Variants in INF2 observed in about 807,000 individuals in gnomAD.
The protein encoded by INF2 is inverted formin-2.
INF2 carries 43 observed loss-of-function variants against 123.5 expected under a neutral mutation model. The ratio of observed to expected loss-of-function variants is 0.35; its 90% CI spans 0.27 to 0.45. The LOEUF is 0.45. INF2 is among the 20% of genes least tolerant of loss of function. The pLI is 1.00. For missense variants in INF2, 1,453 were observed against 1,682.7 expected (o/e 0.86, Z 2.39); for synonymous variants, 851 against 745.0 (o/e 1.14, Z -2.32).
rs747591106 is a variant in INF2 at position 104,715,963 on chromosome 14, A to G, written c.*1+623A>G. 38 of 455,540 alleles carry G rather than the reference A, an allele frequency of 8.3e-5. 1 individual carries two copies. Among genetic ancestry groups the G allele is most frequent in the South Asian group, 5.9e-4 (38 of 64,526 alleles). The allele number at this position is 455,540 out of a possible 1,614,324, so 28.2% of individuals were successfully genotyped here. On this transcript the variant is annotated intron_variant, in intron 22 of 22. Transcript: ENST00000392634. ...GGGTGGGTCTATGGAGAAGCAGATTACCCCCCGCACACCGAGTCTTCTGGG... is the reference window on the plus strand; with the variant it reads ...GGGTGGGTCTATGGAGAAGCAGATTGCCCCCCGCACACCGAGTCTTCTGGG...
rs1166494154 is a variant in INF2, at chr14:104,714,629, T to C, written c.3467T>C (p.Val1156Ala). The change falls in exon 21 of 23, where the codon GTC becomes GCC. Residue 1156 changes from valine (V) to alanine (A), a missense_variant. By Grantham distance (64) the Val-to-Ala change is moderately conservative. Around this residue, in one of 8 missense-constraint regions of INF2, gnomAD observed 344 missense variants for 333.1 expected, o/e 1.03. Coordinates refer to ENST00000392634, the MANE Select transcript of INF2 (RefSeq NM_022489.4). ...DSTSEGLEDA[V>A]HSRGARPPAA... is the part of the protein sequence containing the mutation. ...ACAAGTGAGGGGCTGGAGGACGCTG[T>C]CCACAGCCGTGGTGCCAGACCCCCT... 1 of 1,612,602 alleles carries C rather than the reference T, an allele frequency of 6.2e-7. No individual in the cohort carries two copies. Among genetic ancestry groups the C allele is most frequent in the Non-Finnish European group, 8.5e-7 (1 of 1,179,848 alleles).
At chr14:104,687,497 G>C (rs977208507), upstream of INF2, among the ~76,000 whole-genome samples, 92 of 142,758 alleles carry the variant, frequency 6.4e-4, no homozygotes, top group African/African-American at 2.1e-3. This position sits in a 1 kb window ranked among gnomAD's most constrained non-coding sequence, Gnocchi z 5.6. Flanking sequence ...CACACACACA[G>C]ACACACACTC....
At chr14:104,703,047 C>T in intron 2 of INF2, 58 bp from the exon 3 acceptor site, 3 of 1,405,704 alleles carry the variant, frequency 2.1e-6, no homozygotes, top group South Asian at 2.4e-5. Flanking sequence ...AGCCCAGCTG[C>T]ACAGGCATGG....
chr14:104,683,624 A>C (rs72713893), intron 1 of INF2, among the ~76,000 whole-genome samples: 2,448 of 120,488 alleles, frequency 0.02, 30 homozygotes, highest in South Asian at 0.069. Flanking sequence ...CCACACACAC[A>C]CAGACACACA....
intron 8 of INF2, 162 bp from the exon 9 acceptor site, chr14:104,708,274 G>A: frequency 1.0e-6 from 1 of 953,122 alleles, no homozygotes; most frequent in South Asian, 1.7e-5. Flanking sequence ...TGCTACAGGT[G>A]CTCAGGTAGG....
intron 6 of INF2, 99 bp from the exon 7 acceptor site, chr14:104,706,810 AG>A: frequency 4.4e-6 from 6 of 1,353,188 alleles, no homozygotes; most frequent in Non-Finnish European, 5.1e-6. Flanking sequence ...GTGGGAATAG[AG>A]GGGGTGATGG....
In INF2 at chr14:104,706,099, G is replaced by A. The variant is rs1566780249; in HGVS notation, c.766G>A (p.Glu256Lys). 3.1e-6 allele frequency: 5 copies of A among 1,612,502 alleles called. No homozygotes were observed. The highest frequency in any genetic ancestry group is 4.5e-5 in the East Asian group (2 of 44,884). Residue 256 changes from glutamate (E) to lysine (K), a missense_variant, in exon 6 of 23, where the codon GAG (glutamate) becomes AAG (lysine). By Grantham distance (56) the Glu-to-Lys change is moderately conservative (BLOSUM62 1). Transcript: ENST00000392634. ...EAFEEAKAEDEEELLRVSGGV... is the reference protein window; with the variant it reads ...EAFEEAKAEDKEELLRVSGGV... The stretch of plus-strand genomic sequence containing the variant: ...TTTCGAGGAGGCTAAGGCCGAGGAC[G>A]AGGAGGAGCTGCTGCGAGTCTCTGG...
At chr14:104,709,788 A>C in intron 12 of INF2, 83 bp downstream of exon 12, 1 of 1,253,154 alleles carries the variant, frequency 8.0e-7, no homozygotes, top group Admixed American at 1.7e-5. Flanking sequence ...CCAGCCAGGG[A>C]GGAGAAGAGG....
upstream of INF2, among the ~76,000 whole-genome samples, chr14:104,687,915 C>T (rs774169141): frequency 1.0e-3 from 154 of 152,362 alleles, no homozygotes; most frequent in Middle Eastern, 3.4e-3. The surrounding 1 kb of genome is among the most constrained non-coding windows in gnomAD (Gnocchi z 5.6). Flanking sequence ...TGCCCAGCAC[C>T]GCTGCCAGGC....
chr14:104,693,401 A>C (rs548650880), intron 1 of INF2, among the ~76,000 whole-genome samples: 1 of 152,182 alleles, frequency 6.6e-6, no homozygotes, highest in Non-Finnish European at 1.5e-5. Context: ...CAGGAGCCAC[A>C]CTGGGGGCGG....
At chr14:104,704,300 A>G in intron 5 of INF2, 1 of 685,894 alleles carries the variant, frequency 1.5e-6, no homozygotes, top group African/African-American at 1.8e-5. Context: ...AGGGTGGTTC[A>G]CGTGGACGCA....
Position 104,721,969 on chromosome 14 carries a change from G to A in INF2, c.*3176G>A, listed in dbSNP as rs1182579341. ...CCACTGTGTGCGATGGTCCCACTGGGAGGTGTGGCCCCCAAAGAGTGGAAC... is the reference window on the plus strand; with the variant it reads ...CCACTGTGTGCGATGGTCCCACTGGAAGGTGTGGCCCCCAAAGAGTGGAAC... On this transcript the variant is annotated 3_prime_UTR_variant, in exon 23 of 23. Coordinates refer to ENST00000392634, the MANE Select transcript of INF2 (RefSeq NM_022489.4). The A allele has an allele frequency of 6.6e-6, 1 of 152,334 alleles. No homozygotes were observed. The highest frequency in any genetic ancestry group is 1.5e-5 in the Non-Finnish European group (1 of 68,092). 9.4% of individuals were successfully genotyped at this position (152,334 alleles called of 1,614,324 possible).
rs752072415 is a variant in INF2 at position 104,718,780 on chromosome 14, TTC to T, written c.*2-7_*2-6del. 4.3e-5 allele frequency: 69 copies of T among 1,612,850 alleles called. No individual in the cohort carries two copies. Among genetic ancestry groups the T allele is most frequent in the Admixed American group, 8.3e-5 (5 of 59,926 alleles). Reference sequence around the variant, plus strand: ...AAACTGCTCCTAATAATGTCATTTTTTCTCTCTCTTACAGGCCTCAGGCCCAG... The same window carrying T: ...AAACTGCTCCTAATAATGTCATTTTTTCTCTCTTACAGGCCTCAGGCCCAG... On this transcript the variant is annotated splice_polypyrimidine_tract_variant and intron_variant, in intron 22 of 22. Transcript: ENST00000392634.
At chr14:104,713,041 G>A (rs778879381) in intron 18 of INF2, 49 bp downstream of exon 18, 32 of 1,609,900 alleles carry the variant, frequency 2.0e-5, no homozygotes, top group East Asian at 6.7e-5. Context: ...GTGGGGTCCC[G>A]AGGCCCCTGG....
rs1161559610 is a variant in INF2, at chr14:104,684,293, G to A, written c.-104+2711G>A. 5.3e-6 allele frequency: 2 copies of A among 378,684 alleles called. No homozygotes were observed. The highest frequency in any genetic ancestry group is 2.0e-5 in the South Asian group (1 of 51,146). The allele number at this position is 378,684 out of a possible 1,614,324, so 23.5% of individuals were successfully genotyped here. On this transcript the variant is annotated intron_variant, in intron 1 of 2. Transcript: ENST00000674723. The surrounding 1 kb of genome is among the most constrained non-coding windows in gnomAD (Gnocchi z 5.0). ...GGGAGGTGGACTGCGTCTCCCGAGG[G>A]CCAGCACTGGCTTAGCCTGCTCAGT...
intron 13 of INF2, among the ~76,000 whole-genome samples, 189 bp downstream of exon 13, chr14:104,710,377 G>A (rs572721892): frequency 3.3e-5 from 5 of 152,092 alleles, no homozygotes; most frequent in African/African-American, 4.8e-5. Flanking sequence ...CCTACTGGAC[G>A]CACAGACACA....
At chr14:104,683,251 C>A (rs924848911) in intron 1 of INF2, among the ~76,000 whole-genome samples, 10 of 152,072 alleles carry the variant, frequency 6.6e-5, no homozygotes, top group Non-Finnish European at 1.3e-4. Context: ...TGTAGAGTGA[C>A]CCCTCCGTGG....
At chr14:104,683,296 A>G (rs1487337649) in intron 1 of INF2, among the ~76,000 whole-genome samples, 2 of 152,088 alleles carry the variant, frequency 1.3e-5, no homozygotes, top group East Asian at 3.8e-4. Flanking sequence ...AATCCCAAGC[A>G]TGCATCCTCC....
chr14:104,681,380 C>T (rs950663775), exon 1 of INF2: 22 of 454,854 alleles, frequency 4.8e-5, no homozygotes, highest in Non-Finnish European at 7.9e-5. Context: ...AGGCTTGGCC[C>T]TCACCTTGGG....
Sources: gnomAD v4.1 joint callset for allele counts (sites outside exome capture counted in the v4.1 genomes callset) on GRCh38, gnomAD v4.1.1 for gene constraint, gnomAD v4.1.1 regional missense constraint, Gnocchi (gnomAD v3.1) non-coding constraint, MANE v1.5 for transcripts, NCBI Gene and HGNC (gene_info 2026-07-23, HGNC 2026-07-21) for gene names.